Variants in FAM53A observed in about 807,000 individuals in gnomAD.
FAM53A encodes the protein protein FAM53A.
Under a neutral mutation model 26.6 loss-of-function variants are expected in FAM53A, and 28 were observed. That is an observed-to-expected ratio of 1.05 (90% CI 0.78 to 1.45). The LOEUF (loss-of-function observed/expected upper bound fraction) is 1.45, where lower values mean the gene tolerates loss of function less well. Ranked by LOEUF, FAM53A falls within the 40% of genes most tolerant of loss-of-function variation. The pLI is 0.00. For missense variants in FAM53A, 650 were observed against 575.8 expected (o/e 1.13, Z -1.32); for synonymous variants, 290 against 253.1 (o/e 1.15, Z -1.38).
chr4:1,678,146 G>A (rs1715167558), intron 1 of FAM53A, among the ~76,000 whole-genome samples: 1 of 152,002 alleles, frequency 6.6e-6, no homozygotes, highest in African/African-American at 2.4e-5. Flanking sequence ...CTTGGGCCCA[G>A]GAGTTCAAGA....
At chr4:1,662,479 CAAAAAAAAAAAAA>C (rs59768929) in intron 2 of FAM53A, among the ~76,000 whole-genome samples, 10,009 of 69,070 alleles carry the variant, frequency 0.14, 1,257 homozygotes, top group African/African-American at 0.37. Context: ...GATTCCATCA[CAAAAAAAAAAAAA>C]AAAAAAAAAA....
the FAM53A span, among the ~76,000 whole-genome samples, chr4:1,575,138 G>A: frequency 1.2e-4 from 19 of 152,184 alleles, no homozygotes; most frequent in African/African-American, 2.9e-4. Context: ...CCTGCTGGGG[G>A]AAGAGGCAGC....
chr4:1,678,691 G>T (rs773843430), intron 1 of FAM53A, among the ~76,000 whole-genome samples: 1 of 151,930 alleles, frequency 6.6e-6, no homozygotes, highest in Admixed American at 6.6e-5. Flanking sequence ...GCGTGGTGGC[G>T]TACATCTGTA....
At chr4:1,623,548 C>A (rs956946573) in intron 1 of FAM53A, among the ~76,000 whole-genome samples, 4 of 152,224 alleles carry the variant, frequency 2.6e-5, no homozygotes, top group Non-Finnish European at 5.9e-5. Context: ...CCTTCCCCGG[C>A]GGCCTGGCCG....
chr4:1,602,770 G>A, the FAM53A span, among the ~76,000 whole-genome samples: 5 of 152,144 alleles, frequency 3.3e-5, no homozygotes, highest in African/African-American at 1.2e-4. Context: ...GGAACCCAGG[G>A]GTCTCGGCCC....
chr4:1,604,180 C>G, the FAM53A span, among the ~76,000 whole-genome samples: 1 of 152,230 alleles, frequency 6.6e-6, no homozygotes, highest in Non-Finnish European at 1.5e-5. Flanking sequence ...CTGCCTGGTG[C>G]AGACCCAGGA....
At chr4:1,611,003 G>T in the FAM53A span, among the ~76,000 whole-genome samples, 1 of 152,228 alleles carries the variant, frequency 6.6e-6, no homozygotes, top group Non-Finnish European at 1.5e-5. Context: ...CCTGCTGGTT[G>T]CACGGACGTG....
At chr4:1,641,746 T>A in intron 4 of FAM53A, 139 bp from the exon 5 acceptor site, 1 of 827,818 alleles carries the variant, frequency 1.2e-6, no homozygotes, top group Non-Finnish European at 2.0e-6. Context: ...CTTGGTCCCC[T>A]GTACACCAGC....
chr4:1,589,409 C>G, the FAM53A span, among the ~76,000 whole-genome samples: 2 of 152,070 alleles, frequency 1.3e-5, no homozygotes, highest in Non-Finnish European at 2.9e-5. Context: ...TATTGAAAGG[C>G]CTTACAATTG....
intron 1 of FAM53A, among the ~76,000 whole-genome samples, chr4:1,622,778 C>T (rs1391270653): frequency 6.6e-6 from 1 of 152,204 alleles, no homozygotes; most frequent in African/African-American, 2.4e-5. Context: ...TCAGGCACCA[C>T]ATTTCCAAGC....
downstream of FAM53A, among the ~76,000 whole-genome samples, chr4:1,613,070 C>T (rs1714684724): frequency 6.6e-6 from 1 of 152,232 alleles, no homozygotes; most frequent in African/African-American, 2.4e-5. Flanking sequence ...CTGCAGCAAC[C>T]CAACCCGGCA....
At chr4:1,597,485 T>C in the FAM53A span, among the ~76,000 whole-genome samples, 1 of 152,202 alleles carries the variant, frequency 6.6e-6, no homozygotes, top group Non-Finnish European at 1.5e-5. Context: ...CCCAGGGCCC[T>C]GGAGAGCCAC....
At chr4:1,627,397 CCGGAATGTTTA>C (rs1165876380) in intron 1 of FAM53A, among the ~76,000 whole-genome samples, 1 of 152,206 alleles carries the variant, frequency 6.6e-6, no homozygotes, top group Non-Finnish European at 1.5e-5. Flanking sequence ...GATACACCTC[CCGGAATGTTTA>C]TGGACCACAG....
intron 1 of FAM53A, among the ~76,000 whole-genome samples, chr4:1,622,122 C>T (rs953147279): frequency 2.0e-5 from 3 of 152,232 alleles, no homozygotes; most frequent in African/African-American, 7.2e-5. Context: ...GACTTCCCAG[C>T]CTCCAGAAAC....
rs1026058467 is a variant in FAM53A, at chr4:1,668,733, T to C, written c.9A>G (p.Thr3=). The C allele has an allele frequency of 4.3e-6, 7 of 1,614,126 alleles. No homozygotes were observed. Among genetic ancestry groups the C allele is most frequent in the Non-Finnish European group, 5.9e-6 (7 of 1,180,008 alleles). The change falls in exon 2 of 5, where the codon ACA becomes ACG. Residue 3 remains threonine (T), a synonymous_variant. Transcript: ENST00000308132. The part of the protein sequence containing the change: MV[T]LITEKLQSQS... ...GGCTCTGCAGCTTCTCAGTGATGAG[T>C]GTGACCATGGTCGGGGCCCCGTGTC...
the FAM53A span, among the ~76,000 whole-genome samples, chr4:1,592,369 C>A: frequency 6.6e-6 from 1 of 152,074 alleles, no homozygotes; most frequent in African/African-American, 2.4e-5. Context: ...GCGCGCAGGC[C>A]TGGAGGGCGC....
Position 1,640,467 on chromosome 4 carries a change from T to C in FAM53A, c.*826A>G, listed in dbSNP as rs913316871. The C allele has an allele frequency of 1.0e-5, 3 of 294,700 alleles. No individual in the cohort carries two copies. Among genetic ancestry groups the C allele is most frequent in the African/African-American group, 7.0e-5 (3 of 42,562 alleles). The allele number at this position is 294,700 out of a possible 1,614,324, so 18.3% of individuals were successfully genotyped here. On this transcript the variant is annotated 3_prime_UTR_variant, in exon 5 of 5. Coordinates refer to ENST00000308132, the MANE Select transcript of FAM53A (RefSeq NM_001174070.3). ...GGAACACAGACGCATGTTAATCTGT[T>C]TGCAGATTCATGTTTAATAGAACGC...
chr4:1,579,820 G>A, the FAM53A span, among the ~76,000 whole-genome samples: 5 of 152,206 alleles, frequency 3.3e-5, no homozygotes, highest in African/African-American at 1.2e-4. Flanking sequence ...GGGGCCCGCA[G>A]GGAGGGCGCA....
chr4:1,610,162 G>A, the FAM53A span, among the ~76,000 whole-genome samples: 1 of 151,080 alleles, frequency 6.6e-6, no homozygotes, highest in East Asian at 2.0e-4. Context: ...GCTCAGTGCC[G>A]AGGGGGCACC....
Sources: gnomAD v4.1 joint callset for allele counts (sites outside exome capture counted in the v4.1 genomes callset) on GRCh38, gnomAD v4.1.1 for gene constraint, MANE v1.5 for transcripts, NCBI Gene and HGNC (gene_info 2026-07-23, HGNC 2026-07-21) for gene names.